TBC1D4: variants seen among roughly 807,000 people sequenced by gnomAD.
TBC1D4 encodes TBC (Tre-2, BUB2, CDC16) domain-containing protein.
TBC1D4 carries 121 observed loss-of-function variants against 142.5 expected under a neutral mutation model. The ratio of observed to expected loss-of-function variants is 0.85; its 90% CI spans 0.73 to 0.99. TBC1D4 has a LOEUF of 0.99. TBC1D4 is among the 50% of genes least tolerant of loss of function. The probability of loss-of-function intolerance (pLI) is 0.00; values close to 1 mark genes in which losing one functional copy is unlikely to be tolerated. For missense variants in TBC1D4, 1,475 were observed against 1,606.6 expected (o/e 0.92, Z 1.40); for synonymous variants, 630 against 628.2 (o/e 1.00, Z -0.04).
At chr13:75,339,788 G>A (rs1305810598) in intron 7 of TBC1D4, among the ~76,000 whole-genome samples, 1 of 151,988 alleles carries the variant, frequency 6.6e-6, no homozygotes, top group Non-Finnish European at 1.5e-5. Flanking sequence ...ATGTTGGCCA[G>A]ACTCTAAACT....
At chr13:75,427,091 C>T (rs1886404853) in intron 1 of TBC1D4, among the ~76,000 whole-genome samples, 1 of 148,082 alleles carries the variant, frequency 6.8e-6, no homozygotes. Context: ...AAAATATAAA[C>T]ATTTTTTTTT....
chr13:75,315,351 A>AATATATATATATAT, intron 12 of TBC1D4, among the ~76,000 whole-genome samples: 1 of 142,334 alleles, frequency 7.0e-6, no homozygotes, highest in African/African-American at 2.6e-5. Context: ...CTGAATATTG[A>AATATATATATATAT]ATATATATAT....
At chr13:75,320,063 G>A (rs557628054) in intron 11 of TBC1D4, 26 bp from the exon 12 acceptor site, 2 of 1,612,620 alleles carry the variant, frequency 1.2e-6, no homozygotes, top group African/African-American at 2.7e-5. Flanking sequence ...AACAAGGAAT[G>A]GAATTAGCAC....
At chr13:75,444,280 T>C (rs1380183741) in intron 1 of TBC1D4, among the ~76,000 whole-genome samples, 1 of 152,114 alleles carries the variant, frequency 6.6e-6, no homozygotes, top group East Asian at 1.9e-4. Context: ...CTCACCACCA[T>C]TCACCACCAT....
chr13:75,456,759 G>A (rs1887751812), intron 1 of TBC1D4, among the ~76,000 whole-genome samples: 1 of 149,340 alleles, frequency 6.7e-6, no homozygotes, highest in South Asian at 2.2e-4. Context: ...CCAAACCAAT[G>A]CTATCCAAAG....
chr13:75,358,105 C>G (rs1348399183), intron 3 of TBC1D4, among the ~76,000 whole-genome samples: 1 of 152,048 alleles, frequency 6.6e-6, no homozygotes, highest in Admixed American at 6.5e-5. Flanking sequence ...CCCCCTGGTG[C>G]TCTGGGATAG....
chr13:75,412,766 A>G (rs1414546416), intron 1 of TBC1D4, among the ~76,000 whole-genome samples: 1 of 152,254 alleles, frequency 6.6e-6, no homozygotes, highest in Admixed American at 6.5e-5. Flanking sequence ...TTTAACATAT[A>G]ATGGAAGTTT....
At chr13:75,438,110 T>C (rs934150463) in intron 1 of TBC1D4, among the ~76,000 whole-genome samples, 9 of 152,228 alleles carry the variant, frequency 5.9e-5, no homozygotes, top group South Asian at 4.1e-4. Context: ...ATAATTGATA[T>C]GGTGAACTGC....
At position 75,327,751 on chromosome 13, in the gene TBC1D4, C is replaced by A. The variant is rs775328892; in HGVS notation, c.1806+1G>T. 6.2e-6 allele frequency: 10 copies of A among 1,613,818 alleles called. No individual in the cohort carries two copies. The highest frequency in any genetic ancestry group is 3.3e-5 in the Admixed American group (2 of 60,002). The stretch of plus-strand genomic sequence containing the variant: ...AGTGTAAACAAGCTCTAGTTAGATA[C>A]CTTCTCTGAAGCAAGACTGTTGGAC... On this transcript the variant is annotated splice_donor_variant, in intron 9 of 20. Transcript: ENST00000377636. LOFTEE classifies it high-confidence loss of function.
chr13:75,346,858 T>C (rs986562729), intron 5 of TBC1D4, among the ~76,000 whole-genome samples: 1 of 152,192 alleles, frequency 6.6e-6, no homozygotes, highest in Non-Finnish European at 1.5e-5. Flanking sequence ...CACTCAACAA[T>C]ACAATTTTAA....
intron 1 of TBC1D4, among the ~76,000 whole-genome samples, chr13:75,411,841 G>A (rs774588293): frequency 1.3e-5 from 2 of 151,672 alleles, no homozygotes; most frequent in Non-Finnish European, 2.9e-5. Flanking sequence ...CCCAGCCCAC[G>A]GATGTTTACA....
At chr13:75,294,049 A>C (rs747443784) in intron 18 of TBC1D4, among the ~76,000 whole-genome samples, 1 of 152,226 alleles carries the variant, frequency 6.6e-6, no homozygotes, top group African/African-American at 2.4e-5. Flanking sequence ...TTCTAAGGCT[A>C]CTGAGGTCCT....
At chr13:75,393,840 A>AGAATCG (rs1555315757) in intron 1 of TBC1D4, among the ~76,000 whole-genome samples, 1 of 151,984 alleles carries the variant, frequency 6.6e-6, no homozygotes, top group Non-Finnish European at 1.5e-5. Flanking sequence ...CTGAGGCAGG[A>AGAATCG]GAATCGAACC....
At chr13:75,384,350 C>T (rs1451342638) in intron 1 of TBC1D4, among the ~76,000 whole-genome samples, 2 of 152,038 alleles carry the variant, frequency 1.3e-5, no homozygotes, top group African/African-American at 2.4e-5. Flanking sequence ...ACAGGAGGAT[C>T]GCTTGAACCC....
chr13:75,466,296 T>G (rs1888163039), intron 1 of TBC1D4, among the ~76,000 whole-genome samples: 1 of 152,192 alleles, frequency 6.6e-6, no homozygotes, highest in Non-Finnish European at 1.5e-5. Context: ...ACAGTGAACA[T>G]GTTCAAAACA....
intron 1 of TBC1D4, among the ~76,000 whole-genome samples, chr13:75,389,247 G>C (rs540112101): frequency 6.6e-6 from 1 of 152,264 alleles, no homozygotes; most frequent in South Asian, 2.1e-4. Flanking sequence ...TATATTTCCA[G>C]GAGTATTCAT....
At chr13:75,457,864 GT>G (rs749574316) in intron 1 of TBC1D4, among the ~76,000 whole-genome samples, 7 of 152,280 alleles carry the variant, frequency 4.6e-5, no homozygotes, top group African/African-American at 7.2e-5. Context: ...TACAACAGGG[GT>G]GTGACTCCTC....
chr13:75,322,011 T>TG (rs1222377926), intron 11 of TBC1D4, among the ~76,000 whole-genome samples: 2 of 152,236 alleles, frequency 1.3e-5, no homozygotes, highest in African/African-American at 4.8e-5. Flanking sequence ...GAGGTCAGCA[T>TG]GGGGATGGTG....
chr13:75,299,264 T>C lies in TBC1D4; in HGVS notation c.3156+66A>G, dbSNP rs372981373. The C allele has an allele frequency of 8.1e-6, 13 of 1,609,214 alleles. No homozygotes were observed. In the African/African-American group the frequency reaches 1.1e-4, roughly 13 times the overall value. Reference sequence around the variant, plus strand: ...TTTCTTTAAATCTGAACTGTAATAATTGAGAAGAGGGCCAGGATTTCTGGT... The same window carrying C: ...TTTCTTTAAATCTGAACTGTAATAACTGAGAAGAGGGCCAGGATTTCTGGT... On this transcript the variant is annotated intron_variant, in intron 17 of 20. Coordinates refer to ENST00000377636, the MANE Select transcript of TBC1D4 (RefSeq NM_014832.5).
Sources: allele counts gnomAD v4.1 joint callset (sites outside exome capture counted in the v4.1 genomes callset), GRCh38; gene constraint gnomAD v4.1.1; transcripts MANE v1.5; gene names NCBI Gene and HGNC (gene_info 2026-07-23, HGNC 2026-07-21).